POLH: variants seen among roughly 807,000 people sequenced by gnomAD.
POLH encodes DNA polymerase eta.
A neutral mutation model predicts 73.6 loss-of-function variants in POLH; 53 were observed. The ratio of observed to expected loss-of-function variants is 0.72; its 90% CI spans 0.58 to 0.91. The LOEUF (loss-of-function observed/expected upper bound fraction) is 0.91. Ranked by LOEUF, POLH falls within the 40% of genes least tolerant of loss-of-function variation. POLH has a pLI of 0.00. For synonymous variants in POLH, 292 were observed against 308.5 expected, an observed-to-expected ratio of 0.95 and a Z score of 0.56; for missense variants, 768 against 865.4, an observed-to-expected ratio of 0.89 and a Z score of 1.41.
chr6:43,619,567 A>G lies in POLH; in HGVS notation c.*5010A>G, dbSNP rs1245194178. On this transcript the variant is annotated 3_prime_UTR_variant, in exon 11 of 11. Coordinates refer to ENST00000372236, the MANE Select transcript of POLH (RefSeq NM_006502.3). ...CACAATTGGGATCATAAACATGTAT[A>G]AACTCCTTGGGAGTCTGCCTTATAT... Among the ~76,000 whole-genome samples the G allele has an allele frequency of 2.0e-5, 3 of 152,124 alleles. No homozygotes were observed. The highest frequency in any genetic ancestry group is 4.8e-5 in the African/African-American group (2 of 41,432).
At chr6:43,613,082 G>A (rs1768070646) in intron 10 of POLH, among the ~76,000 whole-genome samples, 1 of 152,146 alleles carries the variant, frequency 6.6e-6, no homozygotes, top group African/African-American at 2.4e-5. Context: ...ACAGGTGTGA[G>A]CCACCGCTCC....
At chr6:43,582,775 G>A (rs56143635) in intron 2 of POLH, among the ~76,000 whole-genome samples, 1 of 152,272 alleles carries the variant, frequency 6.6e-6, no homozygotes, top group East Asian at 1.9e-4. Context: ...TTGAACTCCC[G>A]GCCTCAAGCA....
At chr6:43,592,367 C>T (rs1007723493) in intron 4 of POLH, among the ~76,000 whole-genome samples, 12 of 151,654 alleles carry the variant, frequency 7.9e-5, no homozygotes, top group African/African-American at 2.7e-4. Flanking sequence ...AGCTAGCAAT[C>T]ATGCTCAGCC....
chr6:43,603,327 C>T (rs906815854), intron 6 of POLH, among the ~76,000 whole-genome samples: 3 of 152,000 alleles, frequency 2.0e-5, no homozygotes, highest in South Asian at 2.1e-4. Flanking sequence ...GACAGGGTTT[C>T]GCCATGTTGT....
chr6:43,609,922 TC>T (rs1178184981), intron 9 of POLH, among the ~76,000 whole-genome samples: 1 of 152,172 alleles, frequency 6.6e-6, no homozygotes, highest in African/African-American at 2.4e-5. Flanking sequence ...CCTAGGATAC[TC>T]CGATGTTCCA....
At chr6:43,582,252 A>T in intron 1 of POLH, 64 bp from the exon 2 acceptor site, 1 of 1,461,080 alleles carries the variant, frequency 6.8e-7, no homozygotes, top group Non-Finnish European at 9.6e-7. Flanking sequence ...GAATGGAATT[A>T]CAGTTTTCCC....
chr6:43,588,412 CTTTCTTTCTTT>C (rs1485897068), intron 4 of POLH: 2 of 150,520 alleles, frequency 1.3e-5, no homozygotes, highest in African/African-American at 2.5e-5. Context: ...CCCTTTCTTT[CTTTCTTTCTTT>C]TTTCTTTCTT....
At position 43,582,489 on chromosome 6, in the gene POLH, A is replaced by G. The variant is rs754938856; in HGVS notation, c.137+33A>G. On this transcript the variant is annotated intron_variant, in intron 2 of 10. Coordinates refer to ENST00000372236, the MANE Select transcript of POLH (RefSeq NM_006502.3). ...TCATTGTTATTGTCACAACTATTCA[A>G]TGGTAACACAGTGGCACTGTGGCAG... The G allele has an allele frequency of 3.4e-5, 54 of 1,606,628 alleles. No individual in the cohort carries two copies. In the Admixed American group the frequency reaches 8.2e-4, roughly 24 times the overall value.
At chr6:43,578,443 G>C in intron 1 of POLH, 1 of 446,018 alleles carries the variant, frequency 2.2e-6, no homozygotes, top group South Asian at 1.6e-5. Context: ...TACCAATTAA[G>C]TTAGTATATA....
chr6:43,604,046 T>G (rs753787881), intron 7 of POLH, 35 bp downstream of exon 7: 149 of 1,549,752 alleles, frequency 9.6e-5, no homozygotes, highest in Non-Finnish European at 1.3e-4. Context: ...TCATAACCTT[T>G]ATGGAGATGC....
chr6:43,586,749 C>G (rs1764865542), intron 3 of POLH, among the ~76,000 whole-genome samples: 1 of 152,160 alleles, frequency 6.6e-6, no homozygotes, highest in Non-Finnish European at 1.5e-5. Context: ...GTTAACCAAA[C>G]TCACCGTTGA....
rs151095678 is a variant in POLH, at chr6:43,614,439, C to A, written c.2024C>A (p.Ser675Tyr). The change falls in exon 11 of 11, where the codon TCT (serine) becomes TAT (tyrosine). Residue 675 changes from serine to tyrosine, a missense_variant. Coordinates refer to ENST00000372236, the MANE Select transcript of POLH (RefSeq NM_006502.3). ...QPHSSNPQVV[S>Y]AVSHQGKRNP... is the part of the protein sequence containing the mutation. ...CACTCTTCAAACCCCCAGGTTGTTT[C>A]TGCCGTATCTCATCAAGGCAAAAGA... 1.5e-3 allele frequency: 2,458 copies of A among 1,614,204 alleles called. 4 individuals are homozygous for A. Among genetic ancestry groups the A allele is most frequent in the Non-Finnish European group, 1.6e-3 (1,838 of 1,180,038 alleles).
chr6:43,608,838 A>G (rs566249364), intron 9 of POLH, among the ~76,000 whole-genome samples: 1 of 152,360 alleles, frequency 6.6e-6, no homozygotes, highest in South Asian at 2.1e-4. Context: ...CTTCACACTT[A>G]AGGCATATTA....
At chr6:43,605,849 C>G (rs999677267) in intron 9 of POLH, among the ~76,000 whole-genome samples, 3 of 151,968 alleles carry the variant, frequency 2.0e-5, no homozygotes, top group African/African-American at 7.3e-5. Context: ...TCCCAAGTAG[C>G]TAGGATTACA....
intron 4 of POLH, among the ~76,000 whole-genome samples, chr6:43,591,727 G>A (rs575232483): frequency 5.3e-5 from 8 of 151,814 alleles, no homozygotes; most frequent in African/African-American, 1.9e-4. Context: ...TTTGTTGAAA[G>A]CTATAGACCC....
chr6:43,581,879 A>G (rs114688692), intron 1 of POLH, among the ~76,000 whole-genome samples: 7,598 of 150,690 alleles, frequency 0.05, 628 homozygotes, highest in African/African-American at 0.17. Flanking sequence ...CGAGCCTTCT[A>G]GGGCCTCCGG....
At chr6:43,582,527 T>TGTGGTG (rs371325034) in intron 2 of POLH, 71 bp downstream of exon 2, 33 of 1,467,810 alleles carry the variant, frequency 2.2e-5, no homozygotes, top group Admixed American at 1.2e-4. Context: ...CCTTTGTTGT[T>TGTGGTG]GTGGTGGTGG....
chr6:43,585,281 C>T (rs1046221197), intron 3 of POLH, among the ~76,000 whole-genome samples: 10 of 152,168 alleles, frequency 6.6e-5, no homozygotes, highest in African/African-American at 1.2e-4. Flanking sequence ...GGAACCTCTC[C>T]GGACCCTGTC....
At chr6:43,595,768 G>C (rs1765977450) in intron 4 of POLH, among the ~76,000 whole-genome samples, 2 of 151,998 alleles carry the variant, frequency 1.3e-5, no homozygotes, top group Non-Finnish European at 2.9e-5. Context: ...GGGCAACAGA[G>C]CGAGATTCTA....
Sources: allele counts gnomAD v4.1 joint callset (sites outside exome capture counted in the v4.1 genomes callset), GRCh38; gene constraint gnomAD v4.1.1; transcripts MANE v1.5; gene names NCBI Gene and HGNC (gene_info 2026-07-23, HGNC 2026-07-21).